Variants in PDE9A observed in about 807,000 individuals in gnomAD.
PDE9A encodes phosphodiesterase 9A.
PDE9A carries 60 observed loss-of-function variants against 87.4 expected under a neutral mutation model. The observed-to-expected ratio is 0.69, with a 90% CI of 0.56 to 0.85. PDE9A has a LOEUF of 0.85. Among genes scored for constraint, PDE9A ranks in the 40% least tolerant of loss-of-function variants. PDE9A has a pLI of 0.00. For missense variants in PDE9A, 665 were observed against 779.0 expected, an observed-to-expected ratio of 0.85 and a Z score of 1.74; for synonymous variants, 272 against 279.4, an observed-to-expected ratio of 0.97 and a Z score of 0.27.
chr21:42,718,103 G>T (rs1384131834), intron 4 of PDE9A, among the ~76,000 whole-genome samples: 3 of 151,342 alleles, frequency 2.0e-5, no homozygotes, highest in African/African-American at 4.8e-5. Context: ...ATTTCACCAT[G>T]TTGGCCAGGC....
intron 10 of PDE9A, among the ~76,000 whole-genome samples, chr21:42,756,617 CCG>C (rs1162314332): frequency 1.4e-4 from 21 of 152,018 alleles, no homozygotes; most frequent in Non-Finnish European, 2.9e-4. Context: ...GGGCTGTGGC[CCG>C]TGAGCGTGGC....
chr21:42,769,621 C>T (rs1167317042), intron 17 of PDE9A, among the ~76,000 whole-genome samples: 2 of 144,504 alleles, frequency 1.4e-5, no homozygotes, highest in Non-Finnish European at 3.0e-5. Flanking sequence ...TGCAGGTACA[C>T]ATGCACACAC....
At chr21:42,679,578 C>T (rs988803342) in intron 1 of PDE9A, among the ~76,000 whole-genome samples, 27 of 152,148 alleles carry the variant, frequency 1.8e-4, no homozygotes, top group African/African-American at 6.3e-4. Flanking sequence ...ATCCCTCCTC[C>T]GACCCAGCCT....
intron 10 of PDE9A, among the ~76,000 whole-genome samples, chr21:42,756,210 A>G (rs1602493182): frequency 6.6e-6 from 1 of 152,214 alleles, no homozygotes; most frequent in South Asian, 2.1e-4. Context: ...AGAAGTATCT[A>G]GCTGCCTGTG....
intron 7 of PDE9A, among the ~76,000 whole-genome samples, chr21:42,735,359 G>T (rs981604392): frequency 6.6e-6 from 1 of 152,242 alleles, no homozygotes; most frequent in Non-Finnish European, 1.5e-5. Flanking sequence ...TAGCTGCAAG[G>T]CAGGCCCCAC....
chr21:42,753,818 C>T (rs536541731), intron 9 of PDE9A, among the ~76,000 whole-genome samples, 172 bp from the exon 10 acceptor site: 2 of 146,566 alleles, frequency 1.4e-5, no homozygotes, highest in Admixed American at 1.4e-4. Context: ...GAGCCAAGAT[C>T]GCACCACTGC....
At chr21:42,688,461 G>A (rs867831386) in intron 3 of PDE9A, among the ~76,000 whole-genome samples, 9 of 152,234 alleles carry the variant, frequency 5.9e-5, no homozygotes, top group Non-Finnish European at 8.8e-5. Flanking sequence ...GGGAGGCCCA[G>A]GAAGTCAAGA....
chr21:42,668,242 C>A (rs1451321726), intron 1 of PDE9A, among the ~76,000 whole-genome samples: 4 of 152,122 alleles, frequency 2.6e-5, no homozygotes, highest in Non-Finnish European at 5.9e-5. Context: ...ACCCCACCCT[C>A]CCCATTCCTG....
At chr21:42,753,931 G>T in intron 9 of PDE9A, 59 bp from the exon 10 acceptor site, 1 of 821,906 alleles carries the variant, frequency 1.2e-6, no homozygotes. Context: ...ATCTCAGCAT[G>T]CACATCACTG....
chr21:42,709,276 G>C (rs750256871), intron 4 of PDE9A, among the ~76,000 whole-genome samples: 3 of 152,088 alleles, frequency 2.0e-5, no homozygotes, highest in Non-Finnish European at 4.4e-5. Context: ...CACAGGGAGG[G>C]GAATAACACA....
At chr21:42,774,188 A>G (rs990888543) in intron 19 of PDE9A, among the ~76,000 whole-genome samples, 17 of 152,258 alleles carry the variant, frequency 1.1e-4, no homozygotes, top group African/African-American at 3.9e-4. Flanking sequence ...CATGTCTAAC[A>G]GATAATTCAA....
intron 1 of PDE9A, among the ~76,000 whole-genome samples, chr21:42,657,822 G>A (rs1358441509): frequency 6.6e-6 from 1 of 152,246 alleles, no homozygotes; most frequent in Non-Finnish European, 1.5e-5. Context: ...CACTCGCACT[G>A]TGCGCGGCCT....
intron 1 of PDE9A, among the ~76,000 whole-genome samples, chr21:42,670,510 A>G (rs561240224): frequency 7.0e-6 from 1 of 142,202 alleles, no homozygotes; most frequent in African/African-American, 2.5e-5. Context: ...TCACACCTTC[A>G]CACACACAGG....
intron 4 of PDE9A, among the ~76,000 whole-genome samples, chr21:42,703,976 G>A (rs1197948817): frequency 6.6e-6 from 1 of 152,252 alleles, no homozygotes; most frequent in African/African-American, 2.4e-5. Context: ...TCTACAGAGG[G>A]CTGGGGTTGG....
At chr21:42,697,348 C>A in intron 3 of PDE9A, 1 of 920,094 alleles carries the variant, frequency 1.1e-6, no homozygotes, top group Non-Finnish European at 1.8e-6. Context: ...ATGTATTGCC[C>A]CCAGTTAATC....
At chr21:42,684,611 G>T (rs1003994611) in intron 1 of PDE9A, among the ~76,000 whole-genome samples, 4 of 152,228 alleles carry the variant, frequency 2.6e-5, no homozygotes, top group Non-Finnish European at 5.9e-5. Flanking sequence ...TCAGAGGAGG[G>T]AGCTCTGGGA....
chr21:42,680,889 G>A (rs1164799885), intron 1 of PDE9A, among the ~76,000 whole-genome samples: 4 of 152,210 alleles, frequency 2.6e-5, no homozygotes, highest in African/African-American at 7.2e-5. Context: ...TTGCGCACTC[G>A]AGTTCCTGCT....
chr21:42,670,706 TAC>T (rs1157793650), intron 1 of PDE9A, among the ~76,000 whole-genome samples: 9 of 149,424 alleles, frequency 6.0e-5, no homozygotes, highest in East Asian at 4.0e-4. Flanking sequence ...CACTCACACA[TAC>T]ACTTACACTC....
At chr21:42,758,277 A>G (rs1416848495) in intron 10 of PDE9A, 1 of 152,232 alleles carries the variant, frequency 6.6e-6, no homozygotes, top group Non-Finnish European at 1.5e-5. Context: ...AGATCACCAC[A>G]ATGACAATCC....
Sources: allele counts gnomAD v4.1 joint callset (sites outside exome capture counted in the v4.1 genomes callset), GRCh38; gene constraint gnomAD v4.1.1; transcripts MANE v1.5; gene names NCBI Gene and HGNC (gene_info 2026-07-23, HGNC 2026-07-21).